GRIA2: variants seen among roughly 807,000 people sequenced by gnomAD.
GRIA2 encodes glutamate ionotropic receptor AMPA type subunit 2.
A neutral mutation model predicts 97.3 loss-of-function variants in GRIA2; 14 were observed. That is an observed-to-expected ratio of 0.14 (90% CI 0.10 to 0.23). GRIA2 has a LOEUF of 0.23. Among genes scored for constraint, GRIA2 ranks in the 10% least tolerant of loss-of-function variants. The probability of loss-of-function intolerance (pLI) is 1.00; values close to 1 mark genes in which losing one functional copy is unlikely to be tolerated. For synonymous variants in GRIA2, 412 were observed against 387.8 expected (o/e 1.06, Z -0.73); for missense variants, 558 against 1,069.8 (o/e 0.52, Z 6.67).
At chr4:157,355,922 T>TATA (rs1401943296) in intron 12 of GRIA2, among the ~76,000 whole-genome samples, 1 of 21,406 alleles carries the variant, frequency 4.7e-5, no homozygotes, top group Non-Finnish European at 1.3e-4. Context: ...TATTAATATA[T>TATA]TTATATATAT....
At chr4:157,260,378 T>C (rs1377706700) in intron 2 of GRIA2, among the ~76,000 whole-genome samples, 1 of 152,112 alleles carries the variant, frequency 6.6e-6, no homozygotes, top group Admixed American at 6.6e-5. Context: ...TAGATATAGA[T>C]GGTCAAGGGC....
intron 2 of GRIA2, among the ~76,000 whole-genome samples, chr4:157,262,494 C>G (rs1156826930): frequency 6.6e-6 from 1 of 151,966 alleles, no homozygotes; most frequent in Non-Finnish European, 1.5e-5. Flanking sequence ...TATGAACTCC[C>G]AACAAATTGT....
intron 3 of GRIA2, among the ~76,000 whole-genome samples, chr4:157,307,025 C>T (rs2126874087): frequency 6.6e-6 from 1 of 152,266 alleles, no homozygotes; most frequent in South Asian, 2.1e-4. Context: ...GCTGTCTCTT[C>T]ACCTCCTTGA....
intron 2 of GRIA2, among the ~76,000 whole-genome samples, chr4:157,262,857 T>C (rs993003531): frequency 6.6e-6 from 1 of 152,058 alleles, no homozygotes; most frequent in Non-Finnish European, 1.5e-5. Flanking sequence ...CTATTTTCCA[T>C]GTATATTAAT....
intron 2 of GRIA2, among the ~76,000 whole-genome samples, chr4:157,243,940 A>AG (rs1227813625): frequency 6.6e-6 from 1 of 152,036 alleles, no homozygotes; most frequent in Non-Finnish European, 1.5e-5. Flanking sequence ...AAAAAAAAGC[A>AG]GAAAAAAAAA....
chr4:157,285,714 T>C (rs766900326), intron 2 of GRIA2, among the ~76,000 whole-genome samples: 10 of 151,698 alleles, frequency 6.6e-5, no homozygotes, highest in South Asian at 2.1e-4. Context: ...TTCTACGCTC[T>C]GTGTACTGTA....
intron 2 of GRIA2, among the ~76,000 whole-genome samples, chr4:157,227,177 C>T (rs1288136355): frequency 6.6e-6 from 1 of 152,074 alleles, no homozygotes; most frequent in African/African-American, 2.4e-5. Flanking sequence ...GTTTGAAAGT[C>T]TTGCAAACTT....
intron 12 of GRIA2, among the ~76,000 whole-genome samples, chr4:157,354,575 G>A (rs1736164690): frequency 6.6e-6 from 1 of 152,164 alleles, no homozygotes; most frequent in African/African-American, 2.4e-5. Context: ...GTCAAAGTAT[G>A]CACCAGATTA....
chr4:157,356,125 T>TTA (rs1164965597), intron 12 of GRIA2, among the ~76,000 whole-genome samples: 25 of 129,948 alleles, frequency 1.9e-4, no homozygotes, highest in African/African-American at 6.4e-4. Flanking sequence ...TTATATATAT[T>TTA]TATATATATT....
intron 2 of GRIA2, among the ~76,000 whole-genome samples, chr4:157,302,754 A>G (rs188937135): frequency 2.2e-4 from 34 of 152,328 alleles, no homozygotes; most frequent in African/African-American, 7.9e-4. Context: ...TAATGAGCAC[A>G]TAACTTAGTT....
intron 2 of GRIA2, among the ~76,000 whole-genome samples, chr4:157,291,792 C>T (rs1733117473): frequency 6.6e-6 from 1 of 151,804 alleles, no homozygotes; most frequent in African/African-American, 2.4e-5. Flanking sequence ...TCATTGCTTT[C>T]TCACCTAGAA....
intron 2 of GRIA2, among the ~76,000 whole-genome samples, chr4:157,250,469 G>C (rs1336037116): frequency 6.6e-6 from 1 of 152,014 alleles, no homozygotes; most frequent in East Asian, 1.9e-4. Flanking sequence ...ATAATAGTCG[G>C]TCCTTTTTTC....
intron 2 of GRIA2, among the ~76,000 whole-genome samples, chr4:157,277,901 T>TATATATGTATATATATAC (rs1491389699): frequency 2.8e-5 from 4 of 145,186 alleles, no homozygotes; most frequent in African/African-American, 1.0e-4. Flanking sequence ...TATATATATA[T>TATATATGTATATATATAC]GTATATATGT....
At chr4:157,351,330 T>TA (rs1243534767) in intron 12 of GRIA2, among the ~76,000 whole-genome samples, 1 of 152,056 alleles carries the variant, frequency 6.6e-6, no homozygotes, top group Non-Finnish European at 1.5e-5. Flanking sequence ...ATAACACTAT[T>TA]AAAAAATGAA....
intron 2 of GRIA2, among the ~76,000 whole-genome samples, chr4:157,275,620 T>C (rs1326895191): frequency 1.3e-5 from 2 of 152,168 alleles, no homozygotes; most frequent in South Asian, 2.1e-4. Flanking sequence ...ATTTATTACA[T>C]AGGGAATCCG....
In GRIA2 at chr4:157,366,040, C is replaced by G. The variant is rs1736872420; in HGVS notation, c.*2609C>G. 2 of 151,336 alleles carry G rather than the reference C, an allele frequency of 1.3e-5. No homozygotes were observed. The highest frequency in any genetic ancestry group is 4.1e-4 in the South Asian group (2 of 4,828). 9.4% of individuals were successfully genotyped at this position (151,336 alleles called of 1,614,324 possible). A position where few individuals can be genotyped will look rare whatever the true frequency, so the allele number is the denominator to read the frequency against. ...CTTTTCCGGAGTGTTGTAAAAACTT[C>G]AATCATACATAAAACATGTTCTTAC... On this transcript the variant is annotated 3_prime_UTR_variant, in exon 16 of 16. Coordinates refer to ENST00000264426, the MANE Select transcript of GRIA2 (RefSeq NM_001083619.3).
chr4:157,341,511 C>G (rs978789923), intron 12 of GRIA2, 49 bp downstream of exon 12: 1 of 1,287,548 alleles, frequency 7.8e-7, no homozygotes, highest in African/African-American at 1.5e-5. Flanking sequence ...GAAATTTAAC[C>G]TATTTAAACT....
chr4:157,361,702 C>T lies in GRIA2; in HGVS notation c.2406+578C>T, dbSNP rs1265078067. 2 of 1,260,518 alleles carry T rather than the reference C, an allele frequency of 1.6e-6. No individual in the cohort carries two copies. Among genetic ancestry groups the T allele is most frequent in the Non-Finnish European group, 2.3e-6 (2 of 861,350 alleles). 78.1% of individuals were successfully genotyped at this position (1,260,518 alleles called of 1,614,324 possible). ...AAAAAACAAAATCAAACACAAACAG[C>T]AAAATCAAACCACAAGTGTGTTAGT... On this transcript the variant is annotated intron_variant, in intron 14 of 15. Transcript: ENST00000264426. This position sits in a 1 kb window ranked among gnomAD's most constrained non-coding sequence, Gnocchi z 5.2.
At chr4:157,258,562 C>T (rs1731386019) in intron 2 of GRIA2, among the ~76,000 whole-genome samples, 1 of 152,000 alleles carries the variant, frequency 6.6e-6, no homozygotes, top group Non-Finnish European at 1.5e-5. Context: ...TTTAATTTTG[C>T]CCTTGTCCTG....
Sources: allele counts gnomAD v4.1 joint callset (sites outside exome capture counted in the v4.1 genomes callset), GRCh38; gene constraint gnomAD v4.1.1; non-coding constraint Gnocchi (gnomAD v3.1); transcripts MANE v1.5; gene names NCBI Gene and HGNC (gene_info 2026-07-23, HGNC 2026-07-21).